NHS: variants seen among roughly 807,000 people sequenced by gnomAD.
NHS encodes NHS actin remodeling regulator.
A neutral mutation model predicts 72.5 loss-of-function variants in NHS; 5 were observed. That is an observed-to-expected ratio of 0.07 (90% confidence interval 0.04 to 0.14). NHS has a LOEUF of 0.14. Ranked by LOEUF, NHS falls within the 10% of genes least tolerant of loss-of-function variation. NHS has a pLI of 1.00. For missense variants in NHS, 1,072 were observed against 1,355.7 expected (o/e 0.79, Z 3.29); for synonymous variants, 464 against 547.7 (o/e 0.85, Z 2.13).
chrX:17,621,380 ACAGGGAC>A (rs1281658551), intron 1 of NHS, among the ~76,000 whole-genome samples: 1 of 112,200 alleles, frequency 8.9e-6, no homozygotes, highest in African/African-American at 3.2e-5. Context: ...GACATTGCCT[ACAGGGAC>A]CATAGAGGAG....
chrX:17,494,076 CT>C (rs749475125), intron 1 of NHS, among the ~76,000 whole-genome samples: 1,873 of 73,256 alleles, frequency 0.026, 14 homozygotes, highest in Middle Eastern at 0.042. Flanking sequence ...TCCTGGATGA[CT>C]TTTTTTTTTT....
At position 17,375,878 on chromosome X, in the gene NHS, C is replaced by T; in HGVS notation, c.121C>T (p.Pro41Ser). The change falls in exon 1 of 9, where the codon CCG (proline) becomes TCG (serine). Residue 41 changes from proline to serine, a missense_variant. Coordinates refer to ENST00000676302, the MANE Select transcript of NHS (RefSeq NM_001291867.2). ...SAEPPPPLQP[P>S]GRRDLDEVEA... is the part of the protein sequence containing the mutation. The stretch of plus-strand genomic sequence containing the variant: ...TGAGCCGCCGCCGCCCTTGCAGCCG[C>T]CGGGCCGGAGGGACCTGGACGAGGT... The T allele has an allele frequency of 9.0e-7, 1 of 1,109,824 alleles. No individual in the cohort carries two copies. The highest frequency in any genetic ancestry group is 1.2e-6 in the Non-Finnish European group (1 of 854,038). 91.5% of individuals were successfully genotyped at this position (1,109,824 alleles called of 1,213,427 possible).
intron 1 of NHS, among the ~76,000 whole-genome samples, chrX:17,666,871 G>A (rs754626853): frequency 8.9e-6 from 1 of 112,315 alleles, no homozygotes; most frequent in South Asian, 3.7e-4. Flanking sequence ...TTTGGTTAAG[G>A]ATCCAGCCTG....
chrX:17,484,728 G>A (rs1479954828), intron 1 of NHS, among the ~76,000 whole-genome samples: 4 of 64,897 alleles, frequency 6.2e-5, no homozygotes, highest in African/African-American at 2.1e-4. Flanking sequence ...GCAGGTGGAT[G>A]GTGACCTGGA....
intron 1 of NHS, among the ~76,000 whole-genome samples, chrX:17,448,470 C>T (rs894337314): frequency 1.4e-4 from 16 of 111,703 alleles, no homozygotes; most frequent in African/African-American, 5.2e-4. Flanking sequence ...TCATGAATGC[C>T]CACTGTGGCT....
At chrX:17,514,576 C>T (rs1204624140) in intron 1 of NHS, among the ~76,000 whole-genome samples, 1 of 112,055 alleles carries the variant, frequency 8.9e-6, no homozygotes, top group African/African-American at 3.2e-5. Context: ...GCTCTTCAGC[C>T]TGCAGAAGGC....
chrX:17,488,865 A>C (rs1337044283), intron 1 of NHS, among the ~76,000 whole-genome samples: 2 of 110,833 alleles, frequency 1.8e-5, no homozygotes, highest in African/African-American at 6.6e-5. Context: ...ATAAGTATAC[A>C]TGTGCCATGG....
At chrX:17,698,442 CAGA>C (rs758192005) in intron 3 of NHS, among the ~76,000 whole-genome samples, 2 of 111,670 alleles carry the variant, frequency 1.8e-5, no homozygotes, top group East Asian at 2.8e-4. Flanking sequence ...ATGGGAGAAC[CAGA>C]AGAAGTTATT....
At chrX:17,557,202 G>C (rs1319253386) in intron 1 of NHS, 2 of 100,926 alleles carry the variant, frequency 2.0e-5, no homozygotes, top group Non-Finnish European at 4.0e-5. Flanking sequence ...GGTTACCTTG[G>C]CAGTCCAGAT....
chrX:17,561,391 C>G (rs1268678204), intron 1 of NHS, among the ~76,000 whole-genome samples: 1 of 110,155 alleles, frequency 9.1e-6, no homozygotes, highest in African/African-American at 3.3e-5. Flanking sequence ...ATCTCCATTC[C>G]AGCGTCTGGG....
chrX:17,501,675 C>T (rs1247873399), intron 1 of NHS, among the ~76,000 whole-genome samples: 3 of 112,185 alleles, frequency 2.7e-5, no homozygotes, highest in Non-Finnish European at 5.6e-5. Context: ...TGCAGTGAGC[C>T]ATGATTACAC....
At chrX:17,511,401 G>A (rs2065087246) in intron 1 of NHS, among the ~76,000 whole-genome samples, 1 of 111,642 alleles carries the variant, frequency 9.0e-6, no homozygotes, top group African/African-American at 3.3e-5. Flanking sequence ...AGGCCAGTCA[G>A]AATCTGGCAG....
intron 1 of NHS, among the ~76,000 whole-genome samples, chrX:17,646,012 C>T (rs2065904151): frequency 1.8e-5 from 2 of 111,487 alleles, no homozygotes; most frequent in South Asian, 7.6e-4. Flanking sequence ...AGTGCAGTAC[C>T]GTGATCACGG....
At chrX:17,654,113 T>C (rs780684319) in intron 1 of NHS, among the ~76,000 whole-genome samples, 3 of 111,844 alleles carry the variant, frequency 2.7e-5, no homozygotes, top group Admixed American at 9.4e-5. Flanking sequence ...TCGGTGACAT[T>C]TGACATTATA....
chrX:17,540,808 G>A (rs887820235), intron 1 of NHS, among the ~76,000 whole-genome samples: 4 of 112,284 alleles, frequency 3.6e-5, no homozygotes, highest in South Asian at 3.7e-4. Context: ...GGCTGGGCAC[G>A]GTGGCTTATG....
intron 1 of NHS, among the ~76,000 whole-genome samples, chrX:17,385,479 A>G: frequency 8.9e-6 from 1 of 112,055 alleles, no homozygotes; most frequent in Admixed American, 9.4e-5. Context: ...ATGCCACTGC[A>G]TACCAACCTG....
At chrX:17,420,386 TCATCCACC>T (rs1466608930) in intron 1 of NHS, among the ~76,000 whole-genome samples, 2 of 111,561 alleles carry the variant, frequency 1.8e-5, no homozygotes, top group African/African-American at 3.3e-5. Context: ...ATTCACACAC[TCATCCACC>T]CATCCACCCA....
Position 17,440,331 on chromosome X carries a change from A to G in NHS, c.565+64009A>G, listed in dbSNP as rs755321775. On this transcript the variant is annotated intron_variant, in intron 1 of 8. Transcript: ENST00000676302. ...AGTAACCAGTAACTACTTTCACCATATGGGTCACAGTCAACAAATGTGAAA... is the reference window on the plus strand; with the variant it reads ...AGTAACCAGTAACTACTTTCACCATGTGGGTCACAGTCAACAAATGTGAAA... Among the ~76,000 whole-genome samples, 3 of 108,854 alleles carry G rather than the reference A, an allele frequency of 2.8e-5. No homozygotes were observed. The South Asian group carries it at 1.2e-3, about 45-fold the overall frequency. 94.5% of individuals were successfully genotyped at this position (108,854 alleles called of 115,157 possible). A position where few individuals can be genotyped will look rare whatever the true frequency, so the allele number is the denominator to read the frequency against.
At chrX:17,538,108 T>C (rs1280410247) in intron 1 of NHS, among the ~76,000 whole-genome samples, 2 of 111,665 alleles carry the variant, frequency 1.8e-5, no homozygotes, top group Non-Finnish European at 3.8e-5. Context: ...AGGGTGGAAT[T>C]GGAGGCAGGT....
Sources: gnomAD v4.1 joint callset for allele counts (sites outside exome capture counted in the v4.1 genomes callset) on GRCh38, gnomAD v4.1.1 for gene constraint, MANE v1.5 for transcripts, NCBI Gene and HGNC (gene_info 2026-07-23, HGNC 2026-07-21) for gene names.